The following SPATA31H1 variants were observed in gnomAD, a reference collection of about 807,000 sequenced individuals.
SPATA31H1 encodes spermatogenesis-associated protein 31H1.
the SPATA31H1 span, chr2:27,571,271 T>A: frequency 2.5e-6 from 1 of 398,284 alleles, no homozygotes; most frequent in Non-Finnish European, 4.4e-6. Flanking sequence ...AGTTGCTGAC[T>A]TCAGGATCAC....
the SPATA31H1 span, chr2:27,578,807 A>G: frequency 6.2e-7 from 1 of 1,614,182 alleles, no homozygotes; most frequent in Non-Finnish European, 8.5e-7. Context: ...GCTCTGTCAG[A>G]ACAGCATCTG....
chr2:27,575,747 T>C, the SPATA31H1 span: 2 of 398,546 alleles, frequency 5.0e-6, no homozygotes, highest in Non-Finnish European at 8.8e-6. This position sits in a 1 kb window ranked among gnomAD's most constrained non-coding sequence, Gnocchi z 4.1. Flanking sequence ...AACTTCAGTG[T>C]ATAAGTTCTA....
At chr2:27,544,791 G>A in the SPATA31H1 span, among the ~76,000 whole-genome samples, 1 of 151,662 alleles carries the variant, frequency 6.6e-6, no homozygotes, top group Admixed American at 6.6e-5. Context: ...CAGGTGATCC[G>A]CCCACCTCAG....
chr2:27,578,739 C>T, the SPATA31H1 span: 2 of 1,614,108 alleles, frequency 1.2e-6, no homozygotes, highest in Admixed American at 1.7e-5. Context: ...AGAAGAGTTA[C>T]AAGTAGGGAC....
At chr2:27,550,411 ATTTTTTT>A in the SPATA31H1 span, among the ~76,000 whole-genome samples, 21 of 94,562 alleles carry the variant, frequency 2.2e-4, no homozygotes, top group South Asian at 1.7e-3. Flanking sequence ...TGGGTGTTAA[ATTTTTTT>A]TTTTTTTTTT....
At chr2:27,574,391 T>C in the SPATA31H1 span, 1 of 398,494 alleles carries the variant, frequency 2.5e-6, no homozygotes. Flanking sequence ...GTGAGAAATC[T>C]GATTTGACCC....
chr2:27,541,332 C>T, the SPATA31H1 span, among the ~76,000 whole-genome samples: 41,697 of 150,486 alleles, frequency 0.28, 6,366 homozygotes, highest in East Asian at 0.49. Context: ...TGCAGTGAGC[C>T]GAGATGGCAG....
the SPATA31H1 span, chr2:27,576,545 G>A: frequency 5.3e-6 from 8 of 1,513,948 alleles, no homozygotes; most frequent in Middle Eastern, 1.8e-4. Context: ...CCTTTGCATC[G>A]AAGCCATGCT....
At chr2:27,578,324 G>T in the SPATA31H1 span, 1 of 1,614,116 alleles carries the variant, frequency 6.2e-7, no homozygotes, top group South Asian at 1.1e-5. Flanking sequence ...AGTTGACAGG[G>T]TTTCAAATTG....
chr2:27,576,740 G>A, the SPATA31H1 span: 10 of 1,613,922 alleles, frequency 6.2e-6, no homozygotes, highest in Non-Finnish European at 8.5e-6. Context: ...CAGAATCACA[G>A]CAACAGGATG....
chr2:27,569,570 T>C, the SPATA31H1 span: 26 of 398,690 alleles, frequency 6.5e-5, no homozygotes, highest in African/African-American at 5.1e-4. Flanking sequence ...AACCACATGT[T>C]ATGGACCTGA....
the SPATA31H1 span, chr2:27,572,815 G>A: frequency 2.5e-6 from 1 of 397,580 alleles, no homozygotes; most frequent in East Asian, 3.6e-5. Context: ...CTGACTCTAG[G>A]GCCAAAACTT....
At chr2:27,582,523 G>T in the SPATA31H1 span, 5 of 1,596,960 alleles carry the variant, frequency 3.1e-6, no homozygotes, top group Non-Finnish European at 4.3e-6. Context: ...GAAGCTACTC[G>T]ATGAGGCGAG....
the SPATA31H1 span, chr2:27,568,782 A>G: frequency 7.5e-6 from 3 of 399,028 alleles, no homozygotes; most frequent in Middle Eastern, 6.3e-4. Flanking sequence ...AGAATGTAGG[A>G]GGTCAATTCC....
At chr2:27,581,739 C>T in the SPATA31H1 span, 24 of 1,593,476 alleles carry the variant, frequency 1.5e-5, no homozygotes, top group African/African-American at 4.4e-5. Context: ...CAGTCCCGCT[C>T]GGAGGAGCCA....
At chr2:27,553,568 C>A in the SPATA31H1 span, among the ~76,000 whole-genome samples, 1 of 152,050 alleles carries the variant, frequency 6.6e-6, no homozygotes, top group East Asian at 1.9e-4. Context: ...CAAGTCAATT[C>A]TTCTCTCATT....
At chr2:27,579,438 G>A in the SPATA31H1 span, 2 of 1,614,164 alleles carry the variant, frequency 1.2e-6, no homozygotes, top group Non-Finnish European at 1.7e-6. Flanking sequence ...GCCTTCTGTG[G>A]TCAAAAACTA....
chr2:27,582,347 T>C, the SPATA31H1 span: 14 of 1,614,032 alleles, frequency 8.7e-6, no homozygotes, highest in South Asian at 3.3e-5. Context: ...GGAGGAACCA[T>C]TGCAGTCCCT....
At chr2:27,548,589 C>G in the SPATA31H1 span, among the ~76,000 whole-genome samples, 1 of 143,522 alleles carries the variant, frequency 7.0e-6, no homozygotes, top group African/African-American at 2.6e-5. Flanking sequence ...GCTTGGGTGA[C>G]GGAGCCAGGC....
Sources: gnomAD v4.1 joint callset for allele counts (sites outside exome capture counted in the v4.1 genomes callset) on GRCh38, gnomAD v4.1.1 for gene constraint, Gnocchi (gnomAD v3.1) non-coding constraint, MANE v1.5 for transcripts, NCBI Gene and HGNC (gene_info 2026-07-23, HGNC 2026-07-21) for gene names.